The following MORC1 variants were observed in gnomAD, a reference collection of about 807,000 sequenced individuals.
MORC1 encodes MORC family CW-type zinc finger 1.
In MORC1, 59 loss-of-function variants were observed where a neutral mutation model predicts 134.9. That is an observed-to-expected ratio of 0.44 (90% CI 0.35 to 0.54). The LOEUF (loss-of-function observed/expected upper bound fraction) is 0.54. MORC1 is among the 20% of genes least tolerant of loss of function. The pLI, the probability that MORC1 is intolerant of heterozygous loss-of-function variation, is 0.00. For missense variants in MORC1, 947 were observed against 1,134.5 expected, an observed-to-expected ratio of 0.83 and a Z score of 2.37; for synonymous variants, 395 against 391.7, an observed-to-expected ratio of 1.01 and a Z score of -0.10.
At chr3:109,091,579 G>GA (rs552301837) in intron 8 of MORC1, among the ~76,000 whole-genome samples, 1 of 152,014 alleles carries the variant, frequency 6.6e-6, no homozygotes, top group Admixed American at 6.5e-5. Flanking sequence ...ATCTTTTACA[G>GA]AAAAAAACTA....
At chr3:108,977,410 G>T (rs974468476) in intron 24 of MORC1, among the ~76,000 whole-genome samples, 1 of 152,120 alleles carries the variant, frequency 6.6e-6, no homozygotes, top group African/African-American at 2.4e-5. Flanking sequence ...TGGAGACAGG[G>T]TCTTGCTATG....
intron 26 of MORC1, among the ~76,000 whole-genome samples, chr3:108,968,349 T>C (rs1218897509): frequency 6.6e-6 from 1 of 152,188 alleles, no homozygotes; most frequent in African/African-American, 2.4e-5. Flanking sequence ...GATAGAAACA[T>C]CAAAGGCAAA....
At chr3:109,023,217 G>A (rs1949000281) in intron 17 of MORC1, among the ~76,000 whole-genome samples, 1 of 152,182 alleles carries the variant, frequency 6.6e-6, no homozygotes, top group African/African-American at 2.4e-5. Context: ...GGCCTGCAGA[G>A]CCACATGGAA....
intron 8 of MORC1, among the ~76,000 whole-genome samples, chr3:109,072,960 CACACAT>C (rs58469761): frequency 0.082 from 3,144 of 38,244 alleles, 123 homozygotes; most frequent in African/African-American, 0.15. Flanking sequence ...CACACACACA[CACACAT>C]ACACACACAC....
chr3:109,003,649 C>T (rs940319523), intron 20 of MORC1, among the ~76,000 whole-genome samples: 8 of 152,172 alleles, frequency 5.3e-5, no homozygotes, highest in African/African-American at 1.7e-4. Context: ...TGCAGGAGTT[C>T]GAACACAGCA....
chr3:109,048,325 G>A (rs1408320854), intron 14 of MORC1, among the ~76,000 whole-genome samples: 1 of 152,066 alleles, frequency 6.6e-6, no homozygotes, highest in African/African-American at 2.4e-5. Context: ...TTTGTAATGT[G>A]GTTTTTAAAC....
At chr3:109,054,594 T>C in intron 14 of MORC1, 134 bp downstream of exon 14, 1 of 772,268 alleles carries the variant, frequency 1.3e-6, no homozygotes, top group Non-Finnish European at 1.9e-6. Flanking sequence ...CTCACTCCTG[T>C]TTTTAAAGCA....
intron 3 of MORC1, among the ~76,000 whole-genome samples, chr3:109,104,985 C>T (rs1031828476): frequency 6.6e-6 from 1 of 152,160 alleles, no homozygotes; most frequent in Admixed American, 6.5e-5. Flanking sequence ...TAGGACCCTT[C>T]CACGTCCCAT....
chr3:109,063,534 T>C (rs1395500284), intron 9 of MORC1, among the ~76,000 whole-genome samples: 1 of 152,176 alleles, frequency 6.6e-6, no homozygotes, highest in Admixed American at 6.5e-5. Context: ...TTCTATGAAG[T>C]TGTTCCCTTA....
At position 109,040,353 on chromosome 3, in the gene MORC1, T is replaced by TGAAA. The variant is rs35886667; in HGVS notation, c.1331-4889_1331-4886dup. ...ACTGTCTCAAAGACACTCAAAGAAC[T>TGAAA]GAAAGAAAGAAAGAAAGAAAGAAAG... On this transcript the variant is annotated intron_variant, in intron 14 of 27. Transcript: ENST00000232603. Among the ~76,000 whole-genome samples the TGAAA allele has an allele frequency of 8.5e-3, 238 of 28,162 alleles. 11 individuals carry two copies. The highest frequency in any genetic ancestry group is 0.031 in the African/African-American group (140 of 4,586). 18.5% of individuals were successfully genotyped at this position (28,162 alleles called of 152,430 possible).
At chr3:109,093,631 C>T (rs771188553) in intron 7 of MORC1, 90 bp from the exon 8 acceptor site, 10 of 947,546 alleles carry the variant, frequency 1.1e-5, no homozygotes, top group Admixed American at 2.4e-5. Flanking sequence ...GGAACTGAGT[C>T]TGCTATAAAA....
intron 17 of MORC1, among the ~76,000 whole-genome samples, chr3:109,017,832 T>C (rs1432684695): frequency 2.0e-5 from 3 of 152,202 alleles, no homozygotes; most frequent in African/African-American, 7.2e-5. Context: ...CAGTATTCAT[T>C]TTTAAATGAC....
intron 14 of MORC1, among the ~76,000 whole-genome samples, chr3:109,048,577 C>G (rs897753161): frequency 6.6e-6 from 1 of 152,116 alleles, no homozygotes; most frequent in Non-Finnish European, 1.5e-5. Flanking sequence ...GAAAAAATAC[C>G]ACAGACTGGG....
At chr3:108,987,769 T>TGAGA (rs144937298) in intron 21 of MORC1, among the ~76,000 whole-genome samples, 2 of 149,880 alleles carry the variant, frequency 1.3e-5, no homozygotes, top group Non-Finnish European at 3.0e-5. Context: ...ATACCTTAGA[T>TGAGA]GAGAGAGAGA....
intron 6 of MORC1, among the ~76,000 whole-genome samples, chr3:109,098,202 T>C (rs1302476839): frequency 1.3e-5 from 2 of 152,046 alleles, no homozygotes; most frequent in Non-Finnish European, 2.9e-5. Flanking sequence ...CACTCCACCG[T>C]GCCCAGCTAG....
At chr3:109,049,838 C>T (rs1404165208) in intron 14 of MORC1, among the ~76,000 whole-genome samples, 2 of 152,152 alleles carry the variant, frequency 1.3e-5, no homozygotes, top group African/African-American at 4.8e-5. Context: ...CAAGGCTGTT[C>T]AGGTTTCATC....
chr3:109,051,945 C>T (rs1262856688), intron 14 of MORC1, among the ~76,000 whole-genome samples: 4 of 151,954 alleles, frequency 2.6e-5, no homozygotes, highest in Middle Eastern at 3.2e-3. Flanking sequence ...CTAAGTGTGA[C>T]CTAGATGGAA....
intron 16 of MORC1, among the ~76,000 whole-genome samples, chr3:109,032,381 C>G (rs937829943): frequency 6.6e-6 from 1 of 151,818 alleles, no homozygotes; most frequent in African/African-American, 2.4e-5. Context: ...CCTGGAGACA[C>G]TCTCTGAGTA....
chr3:109,103,727 G>C, intron 4 of MORC1, 122 bp downstream of exon 4: 2 of 815,250 alleles, frequency 2.5e-6, no homozygotes, highest in Non-Finnish European at 3.8e-6. Flanking sequence ...CAAAAAGTCT[G>C]GGGCTTACTT....
Sources: allele counts gnomAD v4.1 joint callset (sites outside exome capture counted in the v4.1 genomes callset), GRCh38; gene constraint gnomAD v4.1.1; transcripts MANE v1.5; gene names NCBI Gene and HGNC (gene_info 2026-07-23, HGNC 2026-07-21).